CSNK1G3: variants seen among roughly 807,000 people sequenced by gnomAD.
CSNK1G3 encodes casein kinase 1 gamma 3, also known as casein kinase I isoform gamma-3.
CSNK1G3 carries 23 observed loss-of-function variants against 64.3 expected under a neutral mutation model. The observed-to-expected ratio is 0.36, with a 90% CI of 0.26 to 0.51. The LOEUF is 0.51. Among genes scored for constraint, CSNK1G3 ranks in the 20% least tolerant of loss-of-function variants. The pLI is 0.96. For synonymous variants in CSNK1G3, 158 were observed against 162.2 expected, an observed-to-expected ratio of 0.97 and a Z score of 0.20; for missense variants, 357 against 510.5, an observed-to-expected ratio of 0.70 and a Z score of 2.90.
intron 10 of CSNK1G3, among the ~76,000 whole-genome samples, chr5:123,592,263 G>C (rs1792509822): frequency 6.6e-6 from 1 of 151,918 alleles, no homozygotes; most frequent in Admixed American, 6.6e-5. Flanking sequence ...TTTAAAAATA[G>C]AGAATTTGAG....
rs572165536 is a variant in CSNK1G3, at chr5:123,601,417, A to G, written c.1087-3307A>G. 7.2e-5 allele frequency among the ~76,000 whole-genome samples: 11 copies of G among 152,286 alleles called. 1 individual carries two copies. In the South Asian group the frequency reaches 1.9e-3, roughly 26 times the overall value. ...CTGTTACCACAGTGATTCTATTCTG[A>G]ACTTGGGATACTAGCCTTTACTGAG... On this transcript the variant is annotated intron_variant, in intron 10 of 12. Transcript: ENST00000345990.
At chr5:123,544,379 T>C (rs1782191975) in intron 1 of CSNK1G3, among the ~76,000 whole-genome samples, 1 of 152,200 alleles carries the variant, frequency 6.6e-6, no homozygotes, top group African/African-American at 2.4e-5. Flanking sequence ...CTTGTAACAG[T>C]AATTGTATAT....
chr5:123,536,762 T>C (rs1339778552), intron 1 of CSNK1G3, among the ~76,000 whole-genome samples: 2 of 152,074 alleles, frequency 1.3e-5, no homozygotes, highest in East Asian at 3.8e-4. Flanking sequence ...GAAATAATCC[T>C]ATTAGTGGGC....
At chr5:123,527,694 A>C (rs1428787016) in intron 1 of CSNK1G3, among the ~76,000 whole-genome samples, 2 of 152,190 alleles carry the variant, frequency 1.3e-5, no homozygotes, top group African/African-American at 2.4e-5. Context: ...GAACGAATAT[A>C]ACTGTTATGA....
At chr5:123,611,315 A>ACTTTTGC (rs1279925418) in intron 12 of CSNK1G3, among the ~76,000 whole-genome samples, 1 of 152,222 alleles carries the variant, frequency 6.6e-6, no homozygotes, top group Non-Finnish European at 1.5e-5. Context: ...TAGTAACTTT[A>ACTTTTGC]ATAGCATGCC....
intron 1 of CSNK1G3, among the ~76,000 whole-genome samples, chr5:123,520,695 G>T (rs1419219374): frequency 6.6e-6 from 1 of 151,646 alleles, no homozygotes; most frequent in African/African-American, 2.4e-5. Context: ...ATATCTTTTG[G>T]TACAAATATA....
chr5:123,584,186 G>A (rs1188846516), intron 6 of CSNK1G3, among the ~76,000 whole-genome samples: 2 of 152,082 alleles, frequency 1.3e-5, no homozygotes, highest in African/African-American at 2.4e-5. Context: ...TCTTTGTACT[G>A]GCAAGAACTT....
intron 1 of CSNK1G3, among the ~76,000 whole-genome samples, chr5:123,517,385 T>C (rs974692827): frequency 2.6e-5 from 4 of 152,222 alleles, no homozygotes; most frequent in African/African-American, 9.6e-5. Context: ...TCACATAGTT[T>C]AATGAATTAT....
At chr5:123,573,905 G>A (rs1047383952) in intron 5 of CSNK1G3, among the ~76,000 whole-genome samples, 2 of 149,618 alleles carry the variant, frequency 1.3e-5, no homozygotes, top group East Asian at 2.0e-4. Flanking sequence ...GGCGGAGAGC[G>A]GTGGCGAGAT....
At chr5:123,591,467 C>G (rs748271940) in intron 10 of CSNK1G3, 53 bp downstream of exon 10, 259 of 1,146,860 alleles carry the variant, frequency 2.3e-4, no homozygotes, top group Non-Finnish European at 3.2e-4. Context: ...GAAACATACA[C>G]TTTTTTCTTC....
chr5:123,550,973 G>T (rs1783530378), intron 2 of CSNK1G3, among the ~76,000 whole-genome samples: 1 of 152,180 alleles, frequency 6.6e-6, no homozygotes, highest in South Asian at 2.1e-4. Context: ...TTAGGATTTA[G>T]TGCTTTCTGC....
At chr5:123,564,016 A>G (rs1235706933) in intron 4 of CSNK1G3, among the ~76,000 whole-genome samples, 1 of 152,094 alleles carries the variant, frequency 6.6e-6, no homozygotes, top group Non-Finnish European at 1.5e-5. Context: ...TTTTAAAAAT[A>G]TGTAATACTT....
chr5:123,613,471 A>T (rs972201221), intron 12 of CSNK1G3, among the ~76,000 whole-genome samples: 35 of 151,852 alleles, frequency 2.3e-4, no homozygotes, highest in African/African-American at 7.7e-4. Flanking sequence ...GTGTACATTT[A>T]TATATGTATG....
At chr5:123,542,014 G>A (rs915996219) in intron 1 of CSNK1G3, among the ~76,000 whole-genome samples, 10 of 151,626 alleles carry the variant, frequency 6.6e-5, no homozygotes, top group South Asian at 2.1e-4. Flanking sequence ...TAAAATGTGC[G>A]TTTTAACTTA....
chr5:123,512,643 C>T (rs1422436890), intron 1 of CSNK1G3, 73 bp downstream of exon 1: 5 of 149,670 alleles, frequency 3.3e-5, no homozygotes, highest in African/African-American at 7.3e-5. Flanking sequence ...GCCGCGGCGC[C>T]CTCCCTCCCG....
intron 10 of CSNK1G3, among the ~76,000 whole-genome samples, chr5:123,597,664 C>T (rs1793684406): frequency 6.6e-6 from 1 of 150,940 alleles, no homozygotes; most frequent in South Asian, 2.1e-4. Context: ...TAAATTTGAA[C>T]TCCCTGCCTT....
At chr5:123,614,650 C>A in exon 13 of CSNK1G3, 1 of 366,054 alleles carries the variant, frequency 2.7e-6, no homozygotes, top group Non-Finnish European at 4.9e-6. Flanking sequence ...ATGGAATGGA[C>A]CAATGAGGTG....
chr5:123,608,365 T>G (rs1021654802), intron 12 of CSNK1G3, among the ~76,000 whole-genome samples: 1 of 152,178 alleles, frequency 6.6e-6, no homozygotes, highest in Non-Finnish European at 1.5e-5. Context: ...ATATGGAAAA[T>G]GATGGAAAAG....
intron 1 of CSNK1G3, among the ~76,000 whole-genome samples, chr5:123,521,967 A>G (rs1028458579): frequency 6.6e-6 from 1 of 152,188 alleles, no homozygotes; most frequent in African/African-American, 2.4e-5. Flanking sequence ...TAGGATTTCT[A>G]CAGACGATTC....
Sources: gnomAD v4.1 joint callset for allele counts (sites outside exome capture counted in the v4.1 genomes callset) on GRCh38, gnomAD v4.1.1 for gene constraint, MANE v1.5 for transcripts, NCBI Gene and HGNC (gene_info 2026-07-23, HGNC 2026-07-21) for gene names.